The following DOCK3 variants were observed in gnomAD, a reference collection of about 807,000 sequenced individuals.
DOCK3 encodes dedicator of cytokinesis protein 3.
DOCK3 carries 60 observed loss-of-function variants against 265.6 expected under a neutral mutation model. That is an observed-to-expected ratio of 0.23 (90% CI 0.18 to 0.28). The LOEUF (loss-of-function observed/expected upper bound fraction) is 0.28. Among genes scored for constraint, DOCK3 ranks in the 10% least tolerant of loss-of-function variants. The pLI is 1.00. For synonymous variants in DOCK3, 881 were observed against 938.0 expected, an observed-to-expected ratio of 0.94 and a Z score of 1.11; for missense variants, 1,981 against 2,594.3, an observed-to-expected ratio of 0.76 and a Z score of 5.14.
chr3:50,736,097 G>A (rs2038584197), intron 1 of DOCK3, among the ~76,000 whole-genome samples: 1 of 152,050 alleles, frequency 6.6e-6, no homozygotes, highest in Non-Finnish European at 1.5e-5. Context: ...TCCCTTTCCT[G>A]TGTCCAAGTG....
intron 5 of DOCK3, among the ~76,000 whole-genome samples, chr3:51,063,511 G>C (rs1409672756): frequency 6.6e-6 from 1 of 152,100 alleles, no homozygotes; most frequent in Admixed American, 6.6e-5. Flanking sequence ...TCTTTGACTT[G>C]AGCTTATTTT....
chr3:50,841,460 G>A (rs2045821255), intron 2 of DOCK3, among the ~76,000 whole-genome samples: 1 of 152,046 alleles, frequency 6.6e-6, no homozygotes, highest in African/African-American at 2.4e-5. Context: ...CAGTTGAAAG[G>A]GCTTTATGCC....
intron 5 of DOCK3, among the ~76,000 whole-genome samples, chr3:51,002,890 G>T (rs2078537204): frequency 1.3e-5 from 2 of 152,118 alleles, no homozygotes; most frequent in South Asian, 4.1e-4. Flanking sequence ...TATTTGAAAA[G>T]AAATAACTGG....
chr3:51,374,409 C>A lies in DOCK3; in HGVS notation c.5294-60C>A. The A allele has an allele frequency of 6.6e-7, 1 of 1,517,542 alleles. No homozygotes were observed. Among genetic ancestry groups the A allele is most frequent in the Non-Finnish European group, 9.0e-7 (1 of 1,109,290 alleles). 94.0% of individuals were successfully genotyped at this position (1,517,542 alleles called of 1,614,324 possible). On this transcript the variant is annotated intron_variant, in intron 49 of 52. Transcript: ENST00000266037. This position sits in a 1 kb window ranked among gnomAD's most constrained non-coding sequence, Gnocchi z 4.8. ...GTTCCCTAGTCCTGAGGATGCTTGA[C>A]TGCTGGACCCTCCATCTGTGGCTTG...
At chr3:50,687,657 C>T (rs531903569) in intron 1 of DOCK3, among the ~76,000 whole-genome samples, 2 of 152,160 alleles carry the variant, frequency 1.3e-5, no homozygotes, top group African/African-American at 2.4e-5. Context: ...TAAGTTCAGG[C>T]GACATTTTTT....
intron 12 of DOCK3, among the ~76,000 whole-genome samples, chr3:51,176,858 T>C (rs1446417453): frequency 6.6e-6 from 1 of 152,198 alleles, no homozygotes; most frequent in Non-Finnish European, 1.5e-5. Flanking sequence ...ATAATGGGCA[T>C]GCTGCATGCC....
At chr3:50,694,954 C>T (rs2035515985) in intron 1 of DOCK3, among the ~76,000 whole-genome samples, 1 of 152,172 alleles carries the variant, frequency 6.6e-6, no homozygotes, top group South Asian at 2.1e-4. Flanking sequence ...CTTTCTTTTT[C>T]CCTTTGGGGC....
At chr3:50,806,076 A>G (rs2106672366) in intron 2 of DOCK3, among the ~76,000 whole-genome samples, 1 of 151,908 alleles carries the variant, frequency 6.6e-6, no homozygotes, top group East Asian at 1.9e-4. Flanking sequence ...TGAGATGCAG[A>G]CACAGGATTG....
Position 50,737,840 on chromosome 3 carries a change from T to C in DOCK3, c.38-40835T>C, listed in dbSNP as rs1010891339. ...TCATTCAGTTGTCTGTGTTCCCCTGTAGCTCACTGAACTAATATAAGACAG... is the reference window on the plus strand; with the variant it reads ...TCATTCAGTTGTCTGTGTTCCCCTGCAGCTCACTGAACTAATATAAGACAG... On this transcript the variant is annotated intron_variant, in intron 1 of 52. Coordinates refer to ENST00000266037, the MANE Select transcript of DOCK3 (RefSeq NM_004947.5). Among the ~76,000 whole-genome samples the C allele has an allele frequency of 5.3e-5, 8 of 152,364 alleles. No homozygotes were observed. In the South Asian group the frequency reaches 1.7e-3, roughly 32 times the overall value.
At chr3:51,351,474 T>C (rs1560485666) in intron 40 of DOCK3, among the ~76,000 whole-genome samples, 1 of 152,076 alleles carries the variant, frequency 6.6e-6, no homozygotes, top group South Asian at 2.1e-4. Flanking sequence ...GTAAGGCAGG[T>C]CAACTTGCAC....
chr3:51,050,026 T>TA lies in DOCK3; in HGVS notation c.316-14414dup, dbSNP rs551328743. 2.2e-3 allele frequency among the ~76,000 whole-genome samples: 337 copies of TA among 151,696 alleles called. 3 individuals are homozygous for TA. The highest frequency in any genetic ancestry group is 7.9e-3 in the African/African-American group (328 of 41,362). The stretch of plus-strand genomic sequence containing the variant: ...CCAAGGAAATTGAAGATCCCTGCAA[T>TA]AAAAAAAATACAGCTTTGATGACAG... On this transcript the variant is annotated intron_variant, in intron 5 of 52. Coordinates refer to ENST00000266037, the MANE Select transcript of DOCK3 (RefSeq NM_004947.5).
chr3:50,856,131 A>G (rs967588942), intron 3 of DOCK3, among the ~76,000 whole-genome samples: 4 of 152,220 alleles, frequency 2.6e-5, no homozygotes, highest in African/African-American at 9.6e-5. Flanking sequence ...TATTGTGAAT[A>G]GTGCTGCATT....
chr3:51,208,011 C>T (rs1417634039), intron 12 of DOCK3, among the ~76,000 whole-genome samples: 2 of 152,132 alleles, frequency 1.3e-5, no homozygotes, highest in Non-Finnish European at 2.9e-5. Context: ...CAAATGGTTA[C>T]GTGGTTGCAG....
chr3:50,679,679 A>G (rs1299137085), intron 1 of DOCK3, among the ~76,000 whole-genome samples: 1 of 152,236 alleles, frequency 6.6e-6, no homozygotes, highest in Non-Finnish European at 1.5e-5. Context: ...AGAACTCACC[A>G]AAATAGTCTG....
At chr3:51,104,275 A>T in intron 9 of DOCK3, among the ~76,000 whole-genome samples, 1 of 152,238 alleles carries the variant, frequency 6.6e-6, no homozygotes, top group Non-Finnish European at 1.5e-5. Flanking sequence ...GACAAAGTAG[A>T]CCGTGAAGTC....
intron 9 of DOCK3, among the ~76,000 whole-genome samples, chr3:51,096,962 T>C (rs2082882363): frequency 6.6e-6 from 1 of 152,188 alleles, no homozygotes; most frequent in Admixed American, 6.5e-5. Context: ...AGAACAGCAA[T>C]GTTCCTTCCT....
At chr3:50,889,034 G>A (rs1437143125) in intron 3 of DOCK3, among the ~76,000 whole-genome samples, 1 of 149,314 alleles carries the variant, frequency 6.7e-6, no homozygotes, top group African/African-American at 2.5e-5. Flanking sequence ...TGGTAGTGTG[G>A]GCCAAAGAGT....
At position 51,351,307 on chromosome 3, in the gene DOCK3, C is replaced by G. The variant is rs188290157; in HGVS notation, c.4107+915C>G. ...CTCAGCAAGTAGCTGGGAAAATTCC[C>G]TTTGATATGTTTGGGATCCTGTCTT... is the stretch of plus-strand genomic sequence containing the variant. On this transcript the variant is annotated intron_variant, in intron 40 of 52. Transcript: ENST00000266037. Among the ~76,000 whole-genome samples the G allele has an allele frequency of 6.6e-5, 10 of 152,250 alleles. No homozygotes were observed. The East Asian group carries it at 1.9e-3, about 29-fold the overall frequency.
intron 2 of DOCK3, among the ~76,000 whole-genome samples, chr3:50,799,594 T>A (rs2042968904): frequency 6.6e-6 from 1 of 152,214 alleles, no homozygotes; most frequent in Non-Finnish European, 1.5e-5. Flanking sequence ...TTATCAGTTC[T>A]AAGAGTATTT....
Sources: allele counts gnomAD v4.1 joint callset (sites outside exome capture counted in the v4.1 genomes callset), GRCh38; gene constraint gnomAD v4.1.1; non-coding constraint Gnocchi (gnomAD v3.1); transcripts MANE v1.5; gene names NCBI Gene and HGNC (gene_info 2026-07-23, HGNC 2026-07-21).